Variants in CTNNA1 observed in about 807,000 individuals in gnomAD.
CTNNA1 encodes catenin alpha-1.
CTNNA1 carries 37 observed loss-of-function variants against 98.4 expected under a neutral mutation model. That is an observed-to-expected ratio of 0.38 (90% CI 0.29 to 0.49). CTNNA1 has a LOEUF of 0.49. Among genes scored for constraint, CTNNA1 ranks in the 20% least tolerant of loss-of-function variants. The pLI is 0.95. For synonymous variants in CTNNA1, 404 were observed against 413.2 expected (o/e 0.98, Z 0.27); for missense variants, 761 against 1,147.2 (o/e 0.66, Z 4.86).
At chr5:138,815,803 A>G (rs1482188515) in intron 5 of CTNNA1, among the ~76,000 whole-genome samples, 1 of 152,148 alleles carries the variant, frequency 6.6e-6, no homozygotes, top group Non-Finnish European at 1.5e-5. Context: ...GCCTCCTGAA[A>G]GAGAATTCAC....
chr5:138,808,838 T>A (rs1758378706), intron 3 of CTNNA1, among the ~76,000 whole-genome samples: 1 of 152,052 alleles, frequency 6.6e-6, no homozygotes, highest in African/African-American at 2.4e-5. Flanking sequence ...GCCCTATTTG[T>A]ATAACCAGTG....
intron 5 of CTNNA1, among the ~76,000 whole-genome samples, chr5:138,816,695 A>T (rs750403323): frequency 2.0e-5 from 3 of 149,956 alleles, no homozygotes; most frequent in Non-Finnish European, 4.4e-5. Context: ...ATGTATGTTT[A>T]GCTCATTTGT....
At chr5:138,809,782 A>G (rs1056299750) in intron 3 of CTNNA1, among the ~76,000 whole-genome samples, 3 of 151,840 alleles carry the variant, frequency 2.0e-5, no homozygotes, top group African/African-American at 7.3e-5. Flanking sequence ...AAAGGGAAAT[A>G]TTTTTAAGCC....
intron 3 of CTNNA1, among the ~76,000 whole-genome samples, chr5:138,794,208 G>T (rs944638759): frequency 9.9e-5 from 15 of 151,984 alleles, no homozygotes; most frequent in Non-Finnish European, 2.1e-4. Context: ...GTAGAGACAG[G>T]GTTTTGGCAT....
rs187663602 is a variant in CTNNA1, at chr5:138,891,525, C to T, written c.1296+3883C>T. 5.3e-5 allele frequency among the ~76,000 whole-genome samples: 8 copies of T among 152,206 alleles called. 1 individual carries two copies. Among genetic ancestry groups the T allele is most frequent in the Admixed American group, 1.3e-4 (2 of 15,288 alleles). The stretch of plus-strand genomic sequence containing the variant: ...CCTGTAATCCTAACATTTTTGGAGG[C>T]GGAGGTGGGCAGATCACTTGAGGTC... On this transcript the variant is annotated intron_variant, in intron 9 of 17. Coordinates refer to ENST00000302763, the MANE Select transcript of CTNNA1 (RefSeq NM_001903.5).
chr5:138,844,617 A>G (rs919641139), intron 7 of CTNNA1, among the ~76,000 whole-genome samples: 1 of 152,276 alleles, frequency 6.6e-6, no homozygotes, highest in Admixed American at 6.5e-5. Flanking sequence ...CTCTAAATCT[A>G]CCATTGTCTG....
intron 9 of CTNNA1, among the ~76,000 whole-genome samples, chr5:138,903,113 A>G (rs188545815): frequency 6.6e-6 from 1 of 152,238 alleles, no homozygotes; most frequent in East Asian, 1.9e-4. Context: ...TAAACATCAG[A>G]GATCTGACTT....
At chr5:138,789,937 C>G (rs1756169822) in intron 3 of CTNNA1, among the ~76,000 whole-genome samples, 1 of 152,072 alleles carries the variant, frequency 6.6e-6, no homozygotes, top group Admixed American at 6.5e-5. Flanking sequence ...TTTTTTTCCC[C>G]TTAGAAACTG....
rs528348644 is a variant in CTNNA1 at position 138,810,304 on chromosome 5, A to G, written c.468+100A>G. The G allele has an allele frequency of 5.5e-4, 758 of 1,367,544 alleles. 9 individuals carry two copies. The highest frequency in any genetic ancestry group is 2.6e-5 in the Non-Finnish European group (26 of 988,302). 84.7% of individuals were successfully genotyped at this position (1,367,544 alleles called of 1,614,324 possible). ...TCCTTAGGATTTAGTTTGGTTTTGAATTTGGTTTATCTCAATGGACCAGAG... is the reference window on the plus strand; with the variant it reads ...TCCTTAGGATTTAGTTTGGTTTTGAGTTTGGTTTATCTCAATGGACCAGAG... On this transcript the variant is annotated intron_variant, in intron 4 of 17. Transcript: ENST00000302763.
chr5:138,791,262 T>G (rs987060062), intron 3 of CTNNA1, among the ~76,000 whole-genome samples: 2 of 152,174 alleles, frequency 1.3e-5, no homozygotes, highest in Non-Finnish European at 2.9e-5. Flanking sequence ...AGATCTCAAC[T>G]TACTGAAAGC....
chr5:138,925,521 A>C, intron 13 of CTNNA1, 114 bp downstream of exon 13: 1 of 1,385,896 alleles, frequency 7.2e-7, no homozygotes, highest in Non-Finnish European at 9.7e-7. Flanking sequence ...TAAAACCATG[A>C]ATCTAAAAGC....
At chr5:138,766,450 T>TG in intron 1 of CTNNA1, among the ~76,000 whole-genome samples, 2 of 88,802 alleles carry the variant, frequency 2.3e-5, no homozygotes, top group East Asian at 8.8e-4. Context: ...TACCATGTTT[T>TG]GTTTTTTTTT....
At chr5:138,898,162 C>A (rs1336554222) in intron 9 of CTNNA1, among the ~76,000 whole-genome samples, 1 of 143,596 alleles carries the variant, frequency 7.0e-6, no homozygotes, top group Non-Finnish European at 1.5e-5. Flanking sequence ...TCCCCCACCC[C>A]CCCCCACCCC....
intron 1 of CTNNA1, among the ~76,000 whole-genome samples, chr5:138,758,757 G>A (rs1751996327): frequency 6.6e-6 from 1 of 151,328 alleles, no homozygotes; most frequent in African/African-American, 2.4e-5. Flanking sequence ...TAAGACAGTT[G>A]TTTTAATGTC....
chr5:138,922,495 G>T (rs984557488), intron 11 of CTNNA1, among the ~76,000 whole-genome samples: 2 of 152,154 alleles, frequency 1.3e-5, no homozygotes, highest in African/African-American at 2.4e-5. Context: ...TCTGTATTTT[G>T]TATGGACTGT....
At chr5:138,838,121 A>T (rs1761962874) in intron 7 of CTNNA1, among the ~76,000 whole-genome samples, 1 of 152,192 alleles carries the variant, frequency 6.6e-6, no homozygotes, top group African/African-American at 2.4e-5. Context: ...GGCTGGTCTC[A>T]AAGTCCTGAT....
chr5:138,844,654 T>G (rs1474730921), intron 7 of CTNNA1, among the ~76,000 whole-genome samples: 1 of 152,218 alleles, frequency 6.6e-6, no homozygotes, highest in Non-Finnish European at 1.5e-5. Flanking sequence ...TGGTGTTCTT[T>G]TTTAGGGGAC....
intron 7 of CTNNA1, among the ~76,000 whole-genome samples, chr5:138,864,797 TTTTTG>T (rs145149907): frequency 0.7 from 102,761 of 145,990 alleles, 34,995 homozygotes; most frequent in East Asian, 0.91. Context: ...GAAGATGTGT[TTTTTG>T]TTTTTGTTTT....
intron 11 of CTNNA1, among the ~76,000 whole-genome samples, chr5:138,920,204 T>C (rs1762629288): frequency 1.3e-5 from 2 of 152,252 alleles, no homozygotes; most frequent in East Asian, 1.9e-4. Context: ...TGTCTCAAAC[T>C]CCTGACCTCA....
Sources: gnomAD v4.1 joint callset for allele counts (sites outside exome capture counted in the v4.1 genomes callset) on GRCh38, gnomAD v4.1.1 for gene constraint, MANE v1.5 for transcripts, NCBI Gene and HGNC (gene_info 2026-07-23, HGNC 2026-07-21) for gene names.